API5: variants seen among roughly 807,000 people sequenced by gnomAD.
API5 encodes the protein apoptosis inhibitor 5.
A neutral mutation model predicts 71.9 loss-of-function variants in API5; 6 were observed. The ratio of observed to expected loss-of-function variants is 0.08; its 90% CI spans 0.05 to 0.16. The LOEUF (loss-of-function observed/expected upper bound fraction) is 0.16. Among genes scored for constraint, API5 ranks in the 10% least tolerant of loss-of-function variants. The pLI is 1.00. For synonymous variants in API5, 189 were observed against 221.3 expected (o/e 0.85, Z 1.30); for missense variants, 332 against 612.8 (o/e 0.54, Z 4.84).
intron 11 of API5, among the ~76,000 whole-genome samples, chr11:43,334,585 G>A (rs1384922218): frequency 2.0e-5 from 3 of 152,056 alleles, no homozygotes; most frequent in African/African-American, 4.8e-5. Flanking sequence ...GCTGGTAAGA[G>A]TATTACTAAG....
intron 2 of API5, 125 bp from the exon 3 acceptor site, chr11:43,320,696 A>G (rs1249858600): frequency 2.6e-6 from 2 of 778,138 alleles, no homozygotes; most frequent in Admixed American, 2.6e-5. Context: ...GCACCACTGC[A>G]CTCCAACCTG....
chr11:43,338,648 T>TAAAAAAAAAA (rs35510804), intron 13 of API5, among the ~76,000 whole-genome samples: 4 of 97,012 alleles, frequency 4.1e-5, no homozygotes, highest in African/African-American at 4.1e-5. Context: ...CAATTGGAGG[T>TAAAAAAAAAA]AAAAAAAAAA....
intron 2 of API5, 141 bp from the exon 3 acceptor site, chr11:43,320,680 A>G (rs1483522760): frequency 4.4e-6 from 3 of 683,364 alleles, no homozygotes; most frequent in African/African-American, 3.6e-5. Context: ...ACATTGAGCC[A>G]TGGTTGCACC....
At position 43,326,292 on chromosome 11, in the gene API5, ATCT is replaced by A. The variant is rs200610803; in HGVS notation, c.751-213_751-211del. ...ATAAAGTTTATATTTTTTATTCTTT[ATCT>A]TTTTATTCCATTTTTCCATGAACTT... is the stretch of plus-strand genomic sequence containing the variant. On this transcript the variant is annotated intron_variant, in intron 6 of 13. Coordinates refer to ENST00000531273, the MANE Select transcript of API5 (RefSeq NM_001142930.2). Among the ~76,000 whole-genome samples the A allele has an allele frequency of 7.9e-5, 12 of 152,198 alleles. No homozygotes were observed. The East Asian group carries it at 2.3e-3, about 29-fold the overall frequency.
intron 1 of API5, among the ~76,000 whole-genome samples, chr11:43,315,416 C>G (rs1324888640): frequency 6.6e-6 from 1 of 151,966 alleles, no homozygotes; most frequent in Non-Finnish European, 1.5e-5. Flanking sequence ...TTTATTGCTT[C>G]TCTTCTTGCA....
At chr11:43,339,635 A>T (rs908628720) in intron 13 of API5, among the ~76,000 whole-genome samples, 1 of 152,176 alleles carries the variant, frequency 6.6e-6, no homozygotes, top group Non-Finnish European at 1.5e-5. Context: ...TAGCTGAAAC[A>T]CACTCAGACG....
At chr11:43,315,755 T>A (rs961683082) in intron 1 of API5, among the ~76,000 whole-genome samples, 8 of 152,086 alleles carry the variant, frequency 5.3e-5, no homozygotes, top group African/African-American at 1.9e-4. Context: ...CTCCTTCAGG[T>A]CTCACTCTTC....
intron 2 of API5, chr11:43,319,055 G>T: frequency 2.6e-6 from 1 of 390,812 alleles, no homozygotes; most frequent in South Asian, 6.5e-5. Context: ...GTTAAAAATG[G>T]GTTGTGGCTC....
chr11:43,335,351 T>A lies in API5; in HGVS notation c.1352T>A (p.Ile451Asn). Residue 451 changes from isoleucine (I) to asparagine (N), a missense_variant, in exon 12 of 14, where the codon ATT (isoleucine) becomes AAT (asparagine). Ile to Asn is a moderately radical substitution (Grantham distance 149). This residue lies in a region of API5 where 168 missense variants were observed against 343.9 expected (regional missense o/e 0.49). Transcript: ENST00000531273. ...TGGAAACCTGTACAAAAGGTTGAGATTGGGTAAGAAATATATTTAAAAGAG... is the reference window on the plus strand; with the variant it reads ...TGGAAACCTGTACAAAAGGTTGAGAATGGGTAAGAAATATATTTAAAAGAG... ...LSWKPVQKVE[I>N]GQKRASEDTT... is the part of the protein sequence containing the mutation. 1.9e-6 allele frequency: 3 copies of A among 1,571,206 alleles called. No individual in the cohort carries two copies. Among genetic ancestry groups the A allele is most frequent in the Non-Finnish European group, 2.6e-6 (3 of 1,143,538 alleles).
intron 5 of API5, among the ~76,000 whole-genome samples, chr11:43,323,103 AT>A (rs1167163980): frequency 0.021 from 3,064 of 147,814 alleles, 37 homozygotes; most frequent in Non-Finnish European, 0.032. Context: ...AATTTTTTTA[AT>A]TTTTTTTTTT....
At chr11:43,326,878 A>G (rs985711792) in intron 7 of API5, among the ~76,000 whole-genome samples, 3 of 152,172 alleles carry the variant, frequency 2.0e-5, no homozygotes, top group African/African-American at 7.2e-5. Flanking sequence ...AAGGTGTTTA[A>G]TTCATTCATT....
rs184841117 is a variant in API5, at chr11:43,312,041, G to C, written c.-87G>C. On this transcript the variant is annotated 5_prime_UTR_variant, in exon 1 of 14. Coordinates refer to ENST00000531273, the MANE Select transcript of API5 (RefSeq NM_001142930.2). ...CGGCAGCTGGAGGTGTAATAGTGCG[G>C]GTAGTGGGTTTGGAGAAGTTCCGAG... 2 of 1,449,076 alleles carry C rather than the reference G, an allele frequency of 1.4e-6. No homozygotes were observed. The highest frequency in any genetic ancestry group is 1.9e-6 in the Non-Finnish European group (2 of 1,045,290). 89.8% of individuals were successfully genotyped at this position (1,449,076 alleles called of 1,614,324 possible). A position where few individuals can be genotyped will look rare whatever the true frequency, so the allele number is the denominator to read the frequency against.
chr11:43,312,305 G>T, intron 1 of API5, 109 bp downstream of exon 1: 1 of 1,225,746 alleles, frequency 8.2e-7, no homozygotes, highest in Non-Finnish European at 1.2e-6. Context: ...TCATCCTCCC[G>T]GGGCCTCCTA....
intron 8 of API5, 108 bp downstream of exon 8, chr11:43,327,986 A>G (rs1157415076): frequency 5.1e-6 from 3 of 584,950 alleles, no homozygotes; most frequent in Middle Eastern, 2.8e-4. Flanking sequence ...TCAATTAAAC[A>G]ATAATCCTAA....
intron 1 of API5, among the ~76,000 whole-genome samples, chr11:43,316,897 A>T (rs984373092): frequency 3.9e-5 from 6 of 152,222 alleles, no homozygotes; most frequent in African/African-American, 1.2e-4. Flanking sequence ...GAAGACTCAT[A>T]TATCTGCATT....
chr11:43,339,834 AATTG>A (rs1855555009), intron 13 of API5, among the ~76,000 whole-genome samples: 1 of 152,194 alleles, frequency 6.6e-6, no homozygotes, highest in African/African-American at 2.4e-5. Context: ...TGATTTTCGA[AATTG>A]ATTATTGATA....
At chr11:43,313,674 C>T (rs569804599) in intron 1 of API5, among the ~76,000 whole-genome samples, 7 of 151,222 alleles carry the variant, frequency 4.6e-5, no homozygotes, top group African/African-American at 1.2e-4. Flanking sequence ...ATTTTTTTTC[C>T]TTCATTCCCT....
chr11:43,316,074 GC>G (rs1264339412), intron 1 of API5, among the ~76,000 whole-genome samples: 2 of 152,132 alleles, frequency 1.3e-5, no homozygotes, highest in African/African-American at 4.8e-5. Flanking sequence ...TGCAGGGTTG[GC>G]GTGTAGGCTT....
chr11:43,313,208 G>A (rs1455646229), intron 1 of API5, among the ~76,000 whole-genome samples: 1 of 152,088 alleles, frequency 6.6e-6, no homozygotes, highest in Admixed American at 6.5e-5. Context: ...TGAGTGCGCA[G>A]CTCTGAATGG....
Sources: allele counts gnomAD v4.1 joint callset (sites outside exome capture counted in the v4.1 genomes callset), GRCh38; gene constraint gnomAD v4.1.1; regional missense constraint gnomAD v4.1.1; transcripts MANE v1.5; gene names NCBI Gene and HGNC (gene_info 2026-07-23, HGNC 2026-07-21).